LRMDA: variants seen among roughly 807,000 people sequenced by gnomAD.
LRMDA encodes leucine rich melanocyte differentiation associated, also known as leucine-rich melanocyte differentiation-associated protein.
LRMDA carries 18 observed loss-of-function variants against 29.8 expected under a neutral mutation model. The ratio of observed to expected loss-of-function variants is 0.60; its 90% CI spans 0.42 to 0.90. The LOEUF (loss-of-function observed/expected upper bound fraction) is 0.90. Ranked by LOEUF, LRMDA falls within the 40% of genes least tolerant of loss-of-function variation. The pLI, the probability that LRMDA is intolerant of heterozygous loss-of-function variation, is 0.00. For missense variants in LRMDA, 273 were observed against 273.9 expected (o/e 1.00, Z 0.02); for synonymous variants, 125 against 109.4 (o/e 1.14, Z -0.89).
chr10:75,857,004 G>A (rs887497716), intron 2 of LRMDA, among the ~76,000 whole-genome samples: 1 of 152,174 alleles, frequency 6.6e-6, no homozygotes. Flanking sequence ...CAAAATCAAT[G>A]TGCAAAAATC....
intron 5 of LRMDA, among the ~76,000 whole-genome samples, chr10:76,130,803 G>T (rs1849977717): frequency 6.6e-6 from 1 of 152,096 alleles, no homozygotes; most frequent in Admixed American, 6.5e-5. Flanking sequence ...GGGATTACAG[G>T]TGCCCACCAC....
At chr10:76,279,919 C>G (rs1840181997) in intron 5 of LRMDA, among the ~76,000 whole-genome samples, 1 of 152,138 alleles carries the variant, frequency 6.6e-6, no homozygotes, top group Non-Finnish European at 1.5e-5. Flanking sequence ...AGCCTAAATT[C>G]CCATAACTCA....
chr10:75,532,076 AAG>A (rs1491581510), intron 2 of LRMDA, among the ~76,000 whole-genome samples: 2 of 150,342 alleles, frequency 1.3e-5, no homozygotes, highest in African/African-American at 2.4e-5. Context: ...AAAAAAAAAA[AAG>A]GAAAGAGCCA....
At chr10:76,029,287 A>C (rs1245702310) in intron 2 of LRMDA, among the ~76,000 whole-genome samples, 1 of 152,210 alleles carries the variant, frequency 6.6e-6, no homozygotes, top group Non-Finnish European at 1.5e-5. Context: ...GGTTTGGGCT[A>C]GCTTATTAGA....
intron 2 of LRMDA, among the ~76,000 whole-genome samples, chr10:75,988,940 T>A (rs1323169508): frequency 6.6e-6 from 1 of 152,196 alleles, no homozygotes; most frequent in Admixed American, 6.5e-5. Context: ...AAAAGATGTG[T>A]CCTTTGCACA....
intron 2 of LRMDA, among the ~76,000 whole-genome samples, chr10:75,665,248 A>G (rs1285857862): frequency 6.6e-6 from 1 of 152,218 alleles, no homozygotes; most frequent in Non-Finnish European, 1.5e-5. Context: ...GTGACTTTTC[A>G]GATCTCTTTA....
intron 5 of LRMDA, among the ~76,000 whole-genome samples, chr10:76,204,191 A>G (rs1589375095): frequency 1.7e-5 from 2 of 115,884 alleles, no homozygotes; most frequent in Non-Finnish European, 1.7e-5. Flanking sequence ...CCATCTACCC[A>G]TCTCTATTCC....
At chr10:76,353,529 G>C (rs1006308265) in intron 6 of LRMDA, among the ~76,000 whole-genome samples, 2 of 152,094 alleles carry the variant, frequency 1.3e-5, no homozygotes, top group African/African-American at 4.8e-5. Context: ...TGACACGTTC[G>C]AAGCTCCGCA....
chr10:76,287,813 C>T (rs1219523505), intron 5 of LRMDA, among the ~76,000 whole-genome samples: 1 of 152,138 alleles, frequency 6.6e-6, no homozygotes, highest in African/African-American at 2.4e-5. Flanking sequence ...GGAACCACAG[C>T]CACACCAGGC....
chr10:75,651,899 A>T (rs1191850664), intron 2 of LRMDA, among the ~76,000 whole-genome samples: 1 of 152,212 alleles, frequency 6.6e-6, no homozygotes, highest in East Asian at 1.9e-4. Flanking sequence ...TCCATCACAC[A>T]GTATTGCTAT....
intron 2 of LRMDA, among the ~76,000 whole-genome samples, chr10:75,606,637 C>T (rs897811473): frequency 6.6e-6 from 1 of 152,140 alleles, no homozygotes; most frequent in Non-Finnish European, 1.5e-5. Context: ...CCAGAGCTGC[C>T]GCAGTGTTTT....
rs543777883 is a variant in LRMDA at position 76,193,249 on chromosome 10, A to G, written c.517-131152A>G. ...ATGCATATTTGCCATCGCAGGGGATAGTGCTCCATTAAAGTATCACTGTTT... is the reference window on the plus strand; with the variant it reads ...ATGCATATTTGCCATCGCAGGGGATGGTGCTCCATTAAAGTATCACTGTTT... On this transcript the variant is annotated intron_variant, in intron 5 of 6. Transcript: ENST00000611255. Among the ~76,000 whole-genome samples, 47 of 152,328 alleles carry G rather than the reference A, an allele frequency of 3.1e-4. 1 individual carries two copies. The South Asian group carries it at 9.5e-3, about 31-fold the overall frequency.
chr10:75,550,320 G>A (rs1418969042), intron 2 of LRMDA, among the ~76,000 whole-genome samples: 1 of 152,008 alleles, frequency 6.6e-6, no homozygotes, highest in Non-Finnish European at 1.5e-5. Flanking sequence ...CCTGGTTTTT[G>A]TCTACTTCTT....
chr10:75,918,714 G>T (rs1460159594), intron 2 of LRMDA, among the ~76,000 whole-genome samples: 2 of 152,202 alleles, frequency 1.3e-5, no homozygotes, highest in Admixed American at 6.5e-5. Flanking sequence ...AAGCAATGTG[G>T]AGAATCAAGC....
intron 2 of LRMDA, among the ~76,000 whole-genome samples, chr10:75,775,646 G>A (rs550185128): frequency 1.7e-4 from 26 of 152,280 alleles, no homozygotes; most frequent in East Asian, 1.2e-3. Flanking sequence ...GCTCTTGTGC[G>A]TGGGGAAACC....
intron 5 of LRMDA, among the ~76,000 whole-genome samples, chr10:76,144,884 T>C (rs148425435): frequency 0.14 from 21,041 of 152,052 alleles, 1,602 homozygotes; most frequent in East Asian, 0.24. Flanking sequence ...CCTAATTTAT[T>C]GAGAGTTTTT....
intron 2 of LRMDA, among the ~76,000 whole-genome samples, chr10:75,828,882 T>C (rs1844290481): frequency 6.6e-6 from 1 of 152,164 alleles, no homozygotes; most frequent in African/African-American, 2.4e-5. Flanking sequence ...TGTAATTTAT[T>C]CAGCCAGAGA....
intron 2 of LRMDA, among the ~76,000 whole-genome samples, chr10:75,830,726 T>C (rs1304988113): frequency 6.6e-6 from 1 of 151,890 alleles, no homozygotes; most frequent in Non-Finnish European, 1.5e-5. Context: ...GGACACAGAG[T>C]CAAACTATAT....
intron 2 of LRMDA, among the ~76,000 whole-genome samples, chr10:75,442,610 A>G (rs112528583): frequency 0.03 from 4,565 of 152,170 alleles, 210 homozygotes; most frequent in African/African-American, 0.1. Flanking sequence ...CCGTTGGTCT[A>G]TATGTCTGTT....
Sources: gnomAD v4.1 joint callset for allele counts (sites outside exome capture counted in the v4.1 genomes callset) on GRCh38, gnomAD v4.1.1 for gene constraint, MANE v1.5 for transcripts, NCBI Gene and HGNC (gene_info 2026-07-23, HGNC 2026-07-21) for gene names.